Variants in DOCK6 observed in about 807,000 individuals in gnomAD.
The protein encoded by DOCK6 is dedicator of cytokinesis protein 6.
DOCK6 carries 167 observed loss-of-function variants against 230.3 expected under a neutral mutation model. The ratio of observed to expected loss-of-function variants is 0.73; its 90% confidence interval spans 0.64 to 0.82. The LOEUF (loss-of-function observed/expected upper bound fraction) is 0.82, where lower values mean the gene tolerates loss of function less well. Ranked by LOEUF, DOCK6 falls within the 40% of genes least tolerant of loss-of-function variation. The pLI is 0.00. For synonymous variants in DOCK6, 1,148 were observed against 1,185.0 expected (o/e 0.97, Z 0.64); for missense variants, 2,598 against 2,825.8 (o/e 0.92, Z 1.83).
intron 30 of DOCK6, chr19:11,216,216 T>C (rs1399940560): frequency 4.2e-6 from 1 of 236,986 alleles, no homozygotes; most frequent in East Asian, 9.9e-5. Flanking sequence ...GCCACTTCCA[T>C]AGCTGGGACT....
chr19:11,218,225 C>T (rs746624149), intron 28 of DOCK6, among the ~76,000 whole-genome samples: 2 of 152,026 alleles, frequency 1.3e-5, no homozygotes, highest in Non-Finnish European at 2.9e-5. Flanking sequence ...TGGCCCACTG[C>T]GACCTCTGCC....
Position 11,237,549 on chromosome 19 carries a change from T to C in DOCK6, c.1980A>G (p.Pro660=). Residue 660 remains proline (P), a synonymous_variant, in exon 18 of 48, where the codon CCA becomes CCG. Coordinates refer to ENST00000294618, the MANE Select transcript of DOCK6 (RefSeq NM_020812.4). ...LETPVGFTWI[P]LLQHGRLRTG... is the part of the protein sequence containing the mutation. ...TCCTCAGGCGCCCGTGCTGCAGCAG[T>C]GGGATCCACTGGGGAGAGGCTGGAG... The C allele has an allele frequency of 6.9e-7, 1 of 1,449,056 alleles. No homozygotes were observed. Among genetic ancestry groups the C allele is most frequent in the South Asian group, 1.1e-5 (1 of 88,102 alleles). The allele number at this position is 1,449,056 out of a possible 1,614,324, so 89.8% of individuals were successfully genotyped here. A position where few individuals can be genotyped will look rare whatever the true frequency, so the allele number is the denominator to read the frequency against.
chr19:11,248,365 T>C (rs921664796), intron 6 of DOCK6, among the ~76,000 whole-genome samples: 4 of 152,162 alleles, frequency 2.6e-5, no homozygotes, highest in African/African-American at 9.7e-5. Context: ...ACTGTTCATA[T>C]ATACTTCTAC....
In DOCK6 at chr19:11,240,368, T is replaced by G; in HGVS notation, c.1643+1677A>C. On this transcript the variant is annotated intron_variant, in intron 14 of 47. Coordinates refer to ENST00000294618, the MANE Select transcript of DOCK6 (RefSeq NM_020812.4). ...CCAGAACTCGCTTCTGCACCTTGAG[T>G]CCCAAAGACCTCCCAGATCAGCCTC... 4.9e-6 allele frequency: 7 copies of G among 1,423,542 alleles called. No individual in the cohort carries two copies. The South Asian group carries it at 1.0e-4, about 21-fold the overall frequency. 88.2% of individuals were successfully genotyped at this position (1,423,542 alleles called of 1,614,324 possible). A position where few individuals can be genotyped will look rare whatever the true frequency, so the allele number is the denominator to read the frequency against.
rs1407780278 is a variant in DOCK6 at position 11,262,500 on chromosome 19, C to G, written c.-60G>C. Reference sequence around the variant, plus strand: ...CGGCCCCGCCGCCGCCGCCGCCTCCCGGTTCTGGGCAGCCGGGGCGGGGCG... The same window carrying G: ...CGGCCCCGCCGCCGCCGCCGCCTCCGGGTTCTGGGCAGCCGGGGCGGGGCG... On this transcript the variant is annotated 5_prime_UTR_variant, in exon 1 of 48. Transcript: ENST00000294618. 15 of 1,018,206 alleles carry G rather than the reference C, an allele frequency of 1.5e-5. No homozygotes were observed. The highest frequency in any genetic ancestry group is 1.7e-5 in the African/African-American group (1 of 57,540). 63.1% of individuals were successfully genotyped at this position (1,018,206 alleles called of 1,614,324 possible).
In DOCK6 at chr19:11,243,661, GT is replaced by G. The variant is rs1568256340; in HGVS notation, c.1153del (p.Thr385ProfsTer21). Reference protein sequence around the residue: ...KLRLAAEQFCTRLGRYRMPFA... With the variant: ...KLRLAAEQFCXRLGRYRMPFA... The stretch of plus-strand genomic sequence containing the variant: ...GGGCATGCGGTAGCGGCCCAGGCGG[GT>G]GCAGAACTGCTCGGCCGCCAGGCGC... On this transcript the variant is annotated frameshift_variant, in exon 11 of 48. Coordinates refer to ENST00000294618, the MANE Select transcript of DOCK6 (RefSeq NM_020812.4). LOFTEE classifies it high-confidence loss of function. This position sits in a 1 kb window ranked among gnomAD's most constrained non-coding sequence, Gnocchi z 6.3. 1 of 1,613,020 alleles carries G rather than the reference GT, an allele frequency of 6.2e-7. No individual in the cohort carries two copies. Among genetic ancestry groups the G allele is most frequent in the Admixed American group, 1.7e-5 (1 of 59,996 alleles).
chr19:11,248,894 T>G (rs1403819429), intron 6 of DOCK6, among the ~76,000 whole-genome samples: 1 of 152,174 alleles, frequency 6.6e-6, no homozygotes, highest in Non-Finnish European at 1.5e-5. Context: ...GTTAGTTGGA[T>G]GAACATAAGC....
At chr19:11,226,655 T>C (rs527283743) in intron 24 of DOCK6, among the ~76,000 whole-genome samples, 2 of 152,202 alleles carry the variant, frequency 1.3e-5, no homozygotes, top group South Asian at 4.1e-4. Context: ...TGAAACTCTG[T>C]CTCAGAAAAA....
At chr19:11,239,056 C>T (rs988976754) in intron 14 of DOCK6, 3 of 158,124 alleles carry the variant, frequency 1.9e-5, no homozygotes, top group South Asian at 3.9e-4. Flanking sequence ...CGCCATTTTA[C>T]AAGCAGGGAA....
intron 38 of DOCK6, 22 bp downstream of exon 38, chr19:11,208,889 C>A: frequency 6.3e-7 from 1 of 1,596,990 alleles, no homozygotes; most frequent in Non-Finnish European, 8.6e-7. Context: ...CGTCCGCCAC[C>A]TGCCAACCCC....
In DOCK6 at chr19:11,200,428, G is replaced by A. The variant is rs773909645; in HGVS notation, c.5981C>T (p.Pro1994Leu). 67 of 1,610,894 alleles carry A rather than the reference G, an allele frequency of 4.2e-5. 1 individual carries two copies. In the South Asian group the frequency reaches 6.3e-4, roughly 15 times the overall value. The change falls in exon 47 of 48, where the codon CCG becomes CTG. Residue 1994 changes from proline to leucine, a missense_variant. Coordinates refer to ENST00000294618, the MANE Select transcript of DOCK6 (RefSeq NM_020812.4). This position sits in a 1 kb window ranked among gnomAD's most constrained non-coding sequence, Gnocchi z 4.3. ...ALRKNKALIG[P>L]DQKEYHRELE... ...CTCACGGTGGTACTCCTTCTGGTCC[G>A]GCCCAATCAGGGCCTTATTTTTCCG... is the stretch of plus-strand genomic sequence containing the variant.
rs538391143 is a variant in DOCK6 at position 11,245,174 on chromosome 19, TAGA to T, written c.1023+386_1023+388del. On this transcript the variant is annotated intron_variant, in intron 9 of 47. Transcript: ENST00000294618. The stretch of plus-strand genomic sequence containing the variant: ...GATTCATTTCATCATTGCAAACTAA[TAGA>T]AGGTTTTGAGAAAAGAAATTTGACC... Among the ~76,000 whole-genome samples the T allele has an allele frequency of 7.9e-5, 12 of 152,274 alleles. No individual in the cohort carries two copies. In the South Asian group the frequency reaches 2.5e-3, roughly 32 times the overall value.
Position 11,245,642 on chromosome 19 carries a change from TG to T in DOCK6, c.943del (p.His315ThrfsTer15), listed in dbSNP as rs757991194. On this transcript the variant is annotated frameshift_variant, in exon 9 of 48. Coordinates refer to ENST00000294618, the MANE Select transcript of DOCK6 (RefSeq NM_020812.4). LOFTEE classifies it high-confidence loss of function. ...GCGGGCCAGGGTGGAGATGGCAGGG[TG>T]GGTGCCATGAGCCCGAAGCAGCCCC... Reference protein sequence around the residue: ...MKGLLRAHGTHPAISTLARSA... With the variant: ...MKGLLRAHGTXPAISTLARSA... The T allele has an allele frequency of 4.4e-6, 7 of 1,605,876 alleles. No homozygotes were observed. The highest frequency in any genetic ancestry group is 2.6e-6 in the Non-Finnish European group (3 of 1,176,378).
At chr19:11,262,372 G>A in intron 1 of DOCK6, 25 bp downstream of exon 1, 2 of 1,264,468 alleles carry the variant, frequency 1.6e-6, no homozygotes, top group Non-Finnish European at 2.0e-6. Flanking sequence ...GGGGGAGGTG[G>A]GAGGGGGCCC....
At chr19:11,261,161 T>C (rs1050591925) in intron 1 of DOCK6, among the ~76,000 whole-genome samples, 5 of 150,428 alleles carry the variant, frequency 3.3e-5, no homozygotes, top group Non-Finnish European at 6.0e-5. Context: ...CTGTACATTC[T>C]ACTCTTACTG....
intron 6 of DOCK6, among the ~76,000 whole-genome samples, chr19:11,249,965 T>C (rs2080092424): frequency 6.7e-6 from 1 of 148,724 alleles, no homozygotes; most frequent in Non-Finnish European, 1.5e-5. Context: ...CAATAAATAC[T>C]GGTTAGCTAA....
At position 11,211,790 on chromosome 19, in the gene DOCK6, G is replaced by A; in HGVS notation, c.4737C>T (p.Ile1579=). ...KEHQEDPEML[I]DLMYRIARGY... is the part of the protein sequence containing the mutation. ...GCCCACCTCACCTGTACATGAGGTC[G>A]ATGAGCATCTCAGGGTCCTCCTGGT... The change falls in exon 37 of 48, where the codon ATC becomes ATT. Residue 1579 remains isoleucine, a synonymous_variant. Coordinates refer to ENST00000294618, the MANE Select transcript of DOCK6 (RefSeq NM_020812.4). The A allele has an allele frequency of 1.9e-6, 3 of 1,551,452 alleles. No individual in the cohort carries two copies. The highest frequency in any genetic ancestry group is 1.2e-5 in the South Asian group (1 of 84,062).
Position 11,243,014 on chromosome 19 carries a change from G to T in DOCK6, c.1480+45C>A. 1 of 1,605,728 alleles carries T rather than the reference G, an allele frequency of 6.2e-7. No homozygotes were observed. Among genetic ancestry groups the T allele is most frequent in the African/African-American group, 1.3e-5 (1 of 74,928 alleles). ...GCTCTCAGTGTAGGTTTGTTGAGTG[G>T]CTGAGTGAGAGTGATACTTCTTGTG... On this transcript the variant is annotated intron_variant, in intron 13 of 47. Transcript: ENST00000294618. This position sits in a 1 kb window ranked among gnomAD's most constrained non-coding sequence, Gnocchi z 6.3.
intron 28 of DOCK6, among the ~76,000 whole-genome samples, chr19:11,219,746 C>T (rs1252414903): frequency 1.3e-5 from 2 of 149,930 alleles, no homozygotes; most frequent in South Asian, 2.1e-4. Flanking sequence ...GCCGAGATAG[C>T]GCCACTGCAC....
Sources: allele counts gnomAD v4.1 joint callset (sites outside exome capture counted in the v4.1 genomes callset), GRCh38; gene constraint gnomAD v4.1.1; non-coding constraint Gnocchi (gnomAD v3.1); transcripts MANE v1.5; gene names NCBI Gene and HGNC (gene_info 2026-07-23, HGNC 2026-07-21).